SGCD: variants seen among roughly 807,000 people sequenced by gnomAD.
SGCD encodes the protein delta-sarcoglycan.
Under a neutral mutation model 36.6 loss-of-function variants are expected in SGCD, and 18 were observed. That is an observed-to-expected ratio of 0.49 (90% CI 0.34 to 0.73). The LOEUF is 0.73. SGCD is among the 30% of genes least tolerant of loss of function. The pLI, the probability that SGCD is intolerant of heterozygous loss-of-function variation, is 0.01. For missense variants in SGCD, 387 were observed against 346.7 expected (o/e 1.12, Z -0.92); for synonymous variants, 133 against 130.6 (o/e 1.02, Z -0.12).
intron 7 of SGCD, among the ~76,000 whole-genome samples, chr5:156,667,759 A>T (rs1401225443): frequency 6.6e-6 from 1 of 152,218 alleles, no homozygotes; most frequent in Non-Finnish European, 1.5e-5. Context: ...AGTTCTGAAC[A>T]TAACCTCAAC....
At chr5:156,501,150 C>T (rs772605927) in intron 3 of SGCD, among the ~76,000 whole-genome samples, 6 of 152,186 alleles carry the variant, frequency 3.9e-5, no homozygotes, top group Admixed American at 6.5e-5. Context: ...CTAGAATTCA[C>T]GGGAGGCACA....
At chr5:156,551,694 GT>G (rs765229108) in intron 4 of SGCD, among the ~76,000 whole-genome samples, 1 of 152,132 alleles carries the variant, frequency 6.6e-6, no homozygotes, top group African/African-American at 2.4e-5. Context: ...TTTCACATAT[GT>G]TAGCTAAACC....
Position 156,280,660 on chromosome 5 carries a change from G to A in SGCD, c.-43-48874G>A, listed in dbSNP as rs572182572. Among the ~76,000 whole-genome samples the A allele has an allele frequency of 2.6e-5, 4 of 152,212 alleles. No individual in the cohort carries two copies. The East Asian group carries it at 5.8e-4, about 22-fold the overall frequency. The stretch of plus-strand genomic sequence containing the variant: ...GTTGGATGATATTTTTCTTGTTCAG[G>A]GGCTGAATATACCCTGGTGTGCTGT... On this transcript the variant is annotated intron_variant, in intron 3 of 9. Coordinates refer to the SGCD transcript ENST00000517913.
At chr5:156,423,241 ATTTT>A (rs1773447717) in intron 3 of SGCD, among the ~76,000 whole-genome samples, 1 of 8,932 alleles carries the variant, frequency 1.1e-4, no homozygotes, top group African/African-American at 4.4e-4. Flanking sequence ...ATTATATTAT[ATTTT>A]ATAATATTAT....
intron 3 of SGCD, among the ~76,000 whole-genome samples, chr5:156,467,780 T>A (rs1268452352): frequency 6.6e-6 from 1 of 152,238 alleles, no homozygotes; most frequent in Non-Finnish European, 1.5e-5. Flanking sequence ...GAAGTGGGCA[T>A]GAGCCCATAT....
chr5:155,786,124 A>G, the SGCD span, among the ~76,000 whole-genome samples: 1 of 152,188 alleles, frequency 6.6e-6, no homozygotes, highest in Non-Finnish European at 1.5e-5. Flanking sequence ...TTTTTGGAAC[A>G]AAATTCAGTG....
chr5:155,989,386 A>C (rs1465499566), intron 1 of SGCD, among the ~76,000 whole-genome samples: 1 of 152,208 alleles, frequency 6.6e-6, no homozygotes, highest in Non-Finnish European at 1.5e-5. Flanking sequence ...TTAAAATGTG[A>C]AAACCATTCT....
chr5:156,740,988 A>G (rs1756642897), intron 7 of SGCD, among the ~76,000 whole-genome samples: 1 of 152,164 alleles, frequency 6.6e-6, no homozygotes, highest in Non-Finnish European at 1.5e-5. Flanking sequence ...TTTTTCTCAA[A>G]CTTGTAACAC....
At chr5:156,714,729 G>T (rs1258145458) in intron 7 of SGCD, among the ~76,000 whole-genome samples, 1 of 152,196 alleles carries the variant, frequency 6.6e-6, no homozygotes, top group Non-Finnish European at 1.5e-5. Context: ...GTGAAATTTA[G>T]TTCAAGGGAT....
intron 3 of SGCD, among the ~76,000 whole-genome samples, chr5:156,149,668 A>C (rs1340583445): frequency 6.6e-6 from 1 of 151,124 alleles, no homozygotes; most frequent in African/African-American, 2.4e-5. Context: ...AGGGCTAGCT[A>C]GTGAAGGGGC....
chr5:155,843,125 A>G, the SGCD span, among the ~76,000 whole-genome samples: 4 of 152,236 alleles, frequency 2.6e-5, no homozygotes, highest in African/African-American at 9.6e-5. Flanking sequence ...AAGCAATGGT[A>G]TCTTACGTGA....
At chr5:155,980,896 T>C (rs1758215658) in intron 1 of SGCD, among the ~76,000 whole-genome samples, 1 of 151,542 alleles carries the variant, frequency 6.6e-6, no homozygotes, top group African/African-American at 2.4e-5. Context: ...AAAGAAGAAT[T>C]GTCAGTTGCA....
At chr5:156,084,177 A>G (rs1761036880) in intron 1 of SGCD, among the ~76,000 whole-genome samples, 1 of 152,194 alleles carries the variant, frequency 6.6e-6, no homozygotes, top group Non-Finnish European at 1.5e-5. Flanking sequence ...TTGTAGTTCA[A>G]TTTGGGGAGA....
At chr5:156,586,934 TG>T (rs371939916) in intron 4 of SGCD, among the ~76,000 whole-genome samples, 10 of 152,170 alleles carry the variant, frequency 6.6e-5, no homozygotes, top group Non-Finnish European at 1.2e-4. Context: ...TTCTTTATTT[TG>T]GGGGGTCTTT....
chr5:155,954,222 C>T (rs186843665), intron 1 of SGCD, among the ~76,000 whole-genome samples: 4 of 152,270 alleles, frequency 2.6e-5, no homozygotes, highest in Admixed American at 2.6e-4. Context: ...ATCCTTGTCT[C>T]ATCAGTAATT....
intron 4 of SGCD, among the ~76,000 whole-genome samples, chr5:156,565,464 A>G (rs1168355426): frequency 6.6e-6 from 1 of 152,222 alleles, no homozygotes; most frequent in Non-Finnish European, 1.5e-5. Context: ...TGACCAAATT[A>G]CATAAATCAA....
chr5:156,628,331 A>G (rs950874349), intron 6 of SGCD, among the ~76,000 whole-genome samples: 2 of 152,252 alleles, frequency 1.3e-5, no homozygotes, highest in African/African-American at 4.8e-5. Context: ...AAACCATAGC[A>G]AACTGGCAAG....
At chr5:156,305,452 T>G (rs533657527) in intron 3 of SGCD, among the ~76,000 whole-genome samples, 1 of 152,296 alleles carries the variant, frequency 6.6e-6, no homozygotes, top group African/African-American at 2.4e-5. Flanking sequence ...AATTGAGGTT[T>G]GGGAACCTCT....
chr5:156,191,692 G>A (rs1464838299), intron 3 of SGCD, among the ~76,000 whole-genome samples: 2 of 152,054 alleles, frequency 1.3e-5, no homozygotes, highest in Non-Finnish European at 2.9e-5. Context: ...ACTGCTAAAG[G>A]CAAGAAGTCA....
Sources: gnomAD v4.1 joint callset for allele counts (sites outside exome capture counted in the v4.1 genomes callset) on GRCh38, gnomAD v4.1.1 for gene constraint, MANE v1.5 for transcripts, NCBI Gene and HGNC (gene_info 2026-07-23, HGNC 2026-07-21) for gene names.